Variants in PI4KA observed in about 807,000 individuals in gnomAD.
PI4KA encodes the protein PI4-kinase alpha.
PI4KA carries 122 observed loss-of-function variants against 271.4 expected under a neutral mutation model. The observed-to-expected ratio is 0.45, with a 90% confidence interval of 0.39 to 0.52. PI4KA has a LOEUF of 0.52. Among genes scored for constraint, PI4KA ranks in the 20% least tolerant of loss-of-function variants. The probability of loss-of-function intolerance (pLI) is 0.00; values close to 1 mark genes in which losing one functional copy is unlikely to be tolerated. For synonymous variants in PI4KA, 1,041 were observed against 1,078.8 expected (o/e 0.96, Z 0.69); for missense variants, 1,969 against 2,769.1 (o/e 0.71, Z 6.48).
chr22:20,744,634 C>A lies in PI4KA; in HGVS notation c.3450G>T (p.Ala1150=), dbSNP rs1279731674. 7 of 1,613,500 alleles carry A rather than the reference C, an allele frequency of 4.3e-6. No individual in the cohort carries two copies. Among genetic ancestry groups the A allele is most frequent in the Non-Finnish European group, 4.2e-6 (5 of 1,179,404 alleles). The change falls in exon 30 of 55, where the codon GCG becomes GCT. Residue 1150 remains alanine, a synonymous_variant. Transcript: ENST00000255882. ...MASLNLRNRY[A]GEVYGMIRFS... ...GCAAGGACAAGAGAAGCACCTCGCCCGCGTAGCGGTTGCGCAGATTCAGGG... is the reference window on the plus strand; with the variant it reads ...GCAAGGACAAGAGAAGCACCTCGCCAGCGTAGCGGTTGCGCAGATTCAGGG...
intron 45 of PI4KA, among the ~76,000 whole-genome samples, chr22:20,715,002 G>C (rs544408379): frequency 5.3e-5 from 8 of 152,110 alleles, no homozygotes; most frequent in African/African-American, 1.9e-4. Context: ...ACTGCTTCTG[G>C]GGGTGCGTGT....
At chr22:20,760,016 G>GA (rs756381582) in intron 23 of PI4KA, among the ~76,000 whole-genome samples, 18 of 152,018 alleles carry the variant, frequency 1.2e-4, no homozygotes, top group Non-Finnish European at 2.4e-4. Context: ...TTCAACAAAA[G>GA]AAAAAATGGT....
rs558130492 is a variant in PI4KA, at chr22:20,758,379, A to C, written c.2791+2925T>G. Reference sequence around the variant, plus strand: ...GACTCTGTCTCAAAAAAAAAAAAAAAAAAAAAAAAACATGAGATTCTGTGT... The same window carrying C: ...GACTCTGTCTCAAAAAAAAAAAAAACAAAAAAAAAACATGAGATTCTGTGT... On this transcript the variant is annotated intron_variant, in intron 23 of 54. Transcript: ENST00000255882. 1.3e-3 allele frequency among the ~76,000 whole-genome samples: 188 copies of C among 148,182 alleles called. 1 individual carries two copies. Among genetic ancestry groups the C allele is most frequent in the African/African-American group, 4.4e-3 (179 of 40,404 alleles).
intron 3 of PI4KA, among the ~76,000 whole-genome samples, chr22:20,830,201 T>G (rs1923968729): frequency 6.6e-6 from 1 of 152,250 alleles, no homozygotes; most frequent in Non-Finnish European, 1.5e-5. Context: ...AACAGTTTTC[T>G]GCCCTGATGA....
At chr22:20,716,913 G>GGACA (rs3039224) in intron 45 of PI4KA, among the ~76,000 whole-genome samples, 1 of 152,198 alleles carries the variant, frequency 6.6e-6, no homozygotes, top group South Asian at 2.1e-4. Flanking sequence ...CATCTGCACA[G>GGACA]GACAGAGTTT....
chr22:20,799,071 T>C (rs1215695443), intron 16 of PI4KA, 22 bp downstream of exon 16: 1 of 1,606,210 alleles, frequency 6.2e-7, no homozygotes, highest in Non-Finnish European at 8.5e-7. Flanking sequence ...GTTAGTGGTG[T>C]TCTGGCTCTG....
chr22:20,742,407 A>C, intron 31 of PI4KA, 52 bp from the exon 32 acceptor site: 1 of 1,597,484 alleles, frequency 6.3e-7, no homozygotes, highest in Non-Finnish European at 8.5e-7. Context: ...CTGAACCCCA[A>C]AACAGCTTCC....
At chr22:20,761,811 A>G (rs1191892812) in intron 22 of PI4KA, among the ~76,000 whole-genome samples, 1 of 152,198 alleles carries the variant, frequency 6.6e-6, no homozygotes, top group African/African-American at 2.4e-5. Flanking sequence ...AGAAAAAAGG[A>G]AGGTGCAGGG....
chr22:20,718,835 C>T lies in PI4KA; in HGVS notation c.5117-13G>A, dbSNP rs1434861813. ...TCGCCGATGTCAGCTGCCAAGGAAG[C>T]AAAGAGGCTTAAGTCTCTGTGGCTG... On this transcript the variant is annotated splice_polypyrimidine_tract_variant and intron_variant, in intron 43 of 54. Coordinates refer to ENST00000255882, the MANE Select transcript of PI4KA (RefSeq NM_058004.4). The T allele has an allele frequency of 1.9e-6, 3 of 1,613,112 alleles. No homozygotes were observed. Among genetic ancestry groups the T allele is most frequent in the Non-Finnish European group, 2.5e-6 (3 of 1,179,872 alleles).
chr22:20,818,450 CG>C (rs1304788069), intron 7 of PI4KA, 32 bp downstream of exon 7: 1 of 1,520,204 alleles, frequency 6.6e-7, no homozygotes, highest in East Asian at 2.4e-5. Flanking sequence ...CCAAGTATTA[CG>C]TCAAAATATT....
At chr22:20,742,443 G>C (rs1929569919) in intron 31 of PI4KA, 88 bp from the exon 32 acceptor site, 1 of 1,572,552 alleles carries the variant, frequency 6.4e-7, no homozygotes, top group Admixed American at 1.8e-5. Flanking sequence ...TTGACCAGCT[G>C]GGGCCAGTGA....
At chr22:20,770,280 A>G (rs1932809616) in intron 19 of PI4KA, among the ~76,000 whole-genome samples, 1 of 151,348 alleles carries the variant, frequency 6.6e-6, no homozygotes, top group African/African-American at 2.4e-5. Context: ...TGGGAGGCTG[A>G]GGCGGGCAGA....
chr22:20,806,662 ACT>A (rs1935670911), intron 10 of PI4KA, among the ~76,000 whole-genome samples: 2 of 150,592 alleles, frequency 1.3e-5, no homozygotes, highest in South Asian at 4.2e-4. Context: ...ACAGGGAAAG[ACT>A]CTGTCTGAAA....
rs761192335 is a variant in PI4KA at position 20,818,552 on chromosome 22, G to C, written c.790-3C>G. On this transcript the variant is annotated splice_region_variant and splice_polypyrimidine_tract_variant and intron_variant, in intron 6 of 54. Transcript: ENST00000255882. ...GGCATGCCGCGTTCAGGGCTGACCT[G>C]AAACACACAACCACAGTTACATATC... 6.5e-7 allele frequency: 1 copy of C among 1,535,488 alleles called. No individual in the cohort carries two copies. The highest frequency in any genetic ancestry group is 8.7e-7 in the Non-Finnish European group (1 of 1,150,914).
chr22:20,786,980 G>A (rs765992261), intron 19 of PI4KA: 9 of 1,614,012 alleles, frequency 5.6e-6, no homozygotes, highest in South Asian at 4.4e-5. Flanking sequence ...CTTCACTGTC[G>A]ACCGCCCCTT....
rs758288643 is a variant in PI4KA at position 20,714,621 on chromosome 22, C to T, written c.5390+7G>A. 1.3e-4 allele frequency: 203 copies of T among 1,613,870 alleles called. No individual in the cohort carries two copies. Among genetic ancestry groups the T allele is most frequent in the African/African-American group, 2.7e-5 (2 of 74,934 alleles). ...GAAGTGGGGGATGGGTAGGGTGAGG[C>T]GCCCACCTCTGCATCGGGGTCCCAG... On this transcript the variant is annotated splice_region_variant and intron_variant, in intron 46 of 54. Coordinates refer to ENST00000255882, the MANE Select transcript of PI4KA (RefSeq NM_058004.4).
chr22:20,823,739 G>A (rs576194808), intron 4 of PI4KA, among the ~76,000 whole-genome samples: 4 of 152,114 alleles, frequency 2.6e-5, no homozygotes, highest in Non-Finnish European at 5.9e-5. Context: ...CGGAGTTCAA[G>A]ACCAGCCTGG....
At chr22:20,762,439 G>C (rs1569001286) in intron 22 of PI4KA, among the ~76,000 whole-genome samples, 1 of 152,224 alleles carries the variant, frequency 6.6e-6, no homozygotes, top group Non-Finnish European at 1.5e-5. Context: ...TATGCTAACA[G>C]AGTGCTCTCA....
chr22:20,774,756 GT>G (rs1341960642), intron 19 of PI4KA, among the ~76,000 whole-genome samples: 1 of 110,704 alleles, frequency 9.0e-6, no homozygotes, highest in South Asian at 2.7e-4. Flanking sequence ...GTTAGACTCC[GT>G]CAAAAAAAAA....
Sources: gnomAD v4.1 joint callset for allele counts (sites outside exome capture counted in the v4.1 genomes callset) on GRCh38, gnomAD v4.1.1 for gene constraint, MANE v1.5 for transcripts, NCBI Gene and HGNC (gene_info 2026-07-23, HGNC 2026-07-21) for gene names.